Variants in WDR24 observed in about 807,000 individuals in gnomAD.
WDR24 encodes WD repeat domain 24.
In WDR24, 32 loss-of-function variants were observed where a neutral mutation model predicts 66.7. The ratio of observed to expected loss-of-function variants is 0.48; its 90% CI spans 0.36 to 0.64. The LOEUF is 0.64. WDR24 is among the 30% of genes least tolerant of loss of function. The pLI is 0.00. For missense variants in WDR24, 978 were observed against 1,144.1 expected (o/e 0.85, Z 2.09); for synonymous variants, 565 against 469.1 (o/e 1.20, Z -2.64).
In WDR24 at chr16:684,716, A is replaced by C. The variant is rs373672277; in HGVS notation, c.*18T>G. The C allele has an allele frequency of 7.6e-5, 120 of 1,572,600 alleles. No homozygotes were observed. The African/African-American group carries it at 1.5e-3, about 20-fold the overall frequency. On this transcript the variant is annotated 3_prime_UTR_variant, in exon 9 of 9. Transcript: ENST00000293883. Reference sequence around the variant, plus strand: ...GGTTCTGCACGCGGCCGCCCGGGCAAGCCCAGCAGATGCCCCGTCAGGAGT... The same window carrying C: ...GGTTCTGCACGCGGCCGCCCGGGCACGCCCAGCAGATGCCCCGTCAGGAGT...
At position 687,362 on chromosome 16, in the gene WDR24, G is replaced by A. The variant is rs1330040174; in HGVS notation, c.714C>T (p.Thr238=). The change falls in exon 3 of 9, where the codon ACC becomes ACT. Residue 238 remains threonine (T), a synonymous_variant. Transcript: ENST00000293883. ...AGTGCATCTCCTTGGCACGGTGCGT[G>A]GTCATGTCCCAGACCTTCACCATCT... ...RDKMVKVWDM[T]THRAKEMHCV... is the part of the protein sequence containing the mutation. 6.2e-7 allele frequency: 1 copy of A among 1,600,718 alleles called. No individual in the cohort carries two copies. The highest frequency in any genetic ancestry group is 8.5e-7 in the Non-Finnish European group (1 of 1,172,328).
chr16:688,482 T>C (rs966711247), intron 1 of WDR24, among the ~76,000 whole-genome samples: 3 of 152,204 alleles, frequency 2.0e-5, no homozygotes, highest in East Asian at 1.9e-4. Context: ...TTAGTGGATA[T>C]GGGGTTTCCC....
At chr16:688,025 G>A (rs771182644) in intron 1 of WDR24, 7 of 584,692 alleles carry the variant, frequency 1.2e-5, no homozygotes, top group South Asian at 4.6e-5. Context: ...CTGTGGTGCA[G>A]CCTCAGGATG....
rs770860732 is a variant in WDR24 at position 686,154 on chromosome 16, G to C, written c.1365C>G (p.Ile455Met). Residue 455 changes from isoleucine (I) to methionine (M), a missense_variant, in exon 4 of 9, where the codon ATC becomes ATG. Around this residue, in one of 2 missense-constraint regions of WDR24, gnomAD observed 676 missense variants for 617.5 expected, o/e 1.09. Transcript: ENST00000293883. ...TGGGCACTAGGCCAGGGCTGCAGTAGATGATCCGCAGCATGGTCCACGTTT... is the reference window on the plus strand; with the variant it reads ...TGGGCACTAGGCCAGGGCTGCAGTACATGATCCGCAGCATGGTCCACGTTT... ...VAQTWTMLRIIYCSPGLVPTA... is the reference protein window; with the variant it reads ...VAQTWTMLRIMYCSPGLVPTA... The C allele has an allele frequency of 1.9e-6, 3 of 1,612,870 alleles. No individual in the cohort carries two copies. The highest frequency in any genetic ancestry group is 2.5e-6 in the Non-Finnish European group (3 of 1,179,954).
Position 689,898 on chromosome 16 carries a change from C to A in WDR24, c.-258G>T. 1 of 690,014 alleles carries A rather than the reference C, an allele frequency of 1.4e-6. No homozygotes were observed. 42.7% of individuals were successfully genotyped at this position (690,014 alleles called of 1,614,324 possible). Reference sequence around the variant, plus strand: ...GCGGTGAGGGGACTTCCTAGCTTCCCTTAGGCCTGTCAGTTTCATGTCTGA... The same window carrying A: ...GCGGTGAGGGGACTTCCTAGCTTCCATTAGGCCTGTCAGTTTCATGTCTGA... On this transcript the variant is annotated 5_prime_UTR_variant, in exon 1 of 9. The change creates a new upstream start codon in the 5' untranslated region. Transcript: ENST00000293883.
At chr16:686,671 C>T (rs947694016) in intron 3 of WDR24, 73 bp downstream of exon 3, 142 of 1,497,718 alleles carry the variant, frequency 9.5e-5, no homozygotes, top group Middle Eastern at 6.3e-4. Context: ...GTGGGGTGAG[C>T]GCAGCTGACG....
At position 687,561 on chromosome 16, in the gene WDR24, C is replaced by A. The variant is rs770307856; in HGVS notation, c.659+1G>T. On this transcript the variant is annotated splice_donor_variant, in intron 2 of 8. Coordinates refer to ENST00000293883, the MANE Select transcript of WDR24 (RefSeq NM_032259.4). LOFTEE classifies it high-confidence loss of function. ...ACTGCCCCTGCACCCCCATGCCACA[C>A]CTGTCCTCGGGGTGCCAGTCGCAGC... 1 of 1,612,152 alleles carries A rather than the reference C, an allele frequency of 6.2e-7. No homozygotes were observed. Among genetic ancestry groups the A allele is most frequent in the African/African-American group, 1.3e-5 (1 of 75,060 alleles).
At chr16:687,439 A>G (rs375780549) in intron 2 of WDR24, 23 bp from the exon 3 acceptor site, 4 of 1,574,278 alleles carry the variant, frequency 2.5e-6, no homozygotes, top group Non-Finnish European at 3.4e-6. Context: ...GGTCCACCCA[A>G]ACCCTCAGTG....
chr16:688,295 T>G (rs929685352), intron 1 of WDR24, among the ~76,000 whole-genome samples: 1 of 152,096 alleles, frequency 6.6e-6, no homozygotes, highest in African/African-American at 2.4e-5. Flanking sequence ...CAGCTCAGGA[T>G]CTGTCTTTTT....
rs1596568982 is a variant in WDR24 at position 690,216 on chromosome 16, A to G, written c.-576T>C. 7 of 391,270 alleles carry G rather than the reference A, an allele frequency of 1.8e-5. No homozygotes were observed. Among genetic ancestry groups the G allele is most frequent in the South Asian group, 1.3e-4 (7 of 53,900 alleles). The allele number at this position is 391,270 out of a possible 1,614,324, so 24.2% of individuals were successfully genotyped here. ...TAAGGAGCTCGAGGTGTCTGGCGGG[A>G]CCGGAGGCAGGAGAGAAGCCGGCGA... On this transcript the variant is annotated 5_prime_UTR_variant, in exon 1 of 9. Transcript: ENST00000293883.
intron 5 of WDR24, 24 bp from the exon 6 acceptor site, chr16:685,807 T>C (rs1209520942): frequency 1.2e-6 from 2 of 1,613,106 alleles, no homozygotes; most frequent in East Asian, 4.5e-5. Context: ...GGGCGGGCAT[T>C]CAGGGTCGTC....
chr16:685,118 G>A lies in WDR24; in HGVS notation c.2078C>T (p.Ser693Phe), dbSNP rs2039873802. 1 of 1,558,740 alleles carries A rather than the reference G, an allele frequency of 6.4e-7. No individual in the cohort carries two copies. The change falls in exon 8 of 9, where the codon TCC (serine) becomes TTC (phenylalanine). Residue 693 changes from serine (S) to phenylalanine (F), a missense_variant. Around this residue, in one of 2 missense-constraint regions of WDR24, gnomAD observed 676 missense variants for 617.5 expected, o/e 1.09. Coordinates refer to ENST00000293883, the MANE Select transcript of WDR24 (RefSeq NM_032259.4). ...LLQRFRLWNVSNEVVKLSTSR... is the reference protein window; with the variant it reads ...LLQRFRLWNVFNEVVKLSTSR... ...GGTGCTCAGCTTGACCACCTCGTTG[G>A]ACACGTTCCAGAGGCGGAAGCGCTG...
Position 685,122 on chromosome 16 carries a change from C to T in WDR24, c.2074G>A (p.Val692Met). The T allele has an allele frequency of 6.4e-7, 1 of 1,559,780 alleles. No individual in the cohort carries two copies. The highest frequency in any genetic ancestry group is 1.2e-5 in the South Asian group (1 of 85,426). The change falls in exon 8 of 9, where the codon GTG becomes ATG. Residue 692 changes from valine to methionine, a missense_variant. Physicochemically the swap from Val to Met is conservative, Grantham distance 21. This residue lies in a region of WDR24 where 676 missense variants were observed against 617.5 expected (regional missense o/e 1.09). Coordinates refer to ENST00000293883, the MANE Select transcript of WDR24 (RefSeq NM_032259.4). Reference sequence around the variant, plus strand: ...CTCAGCTTGACCACCTCGTTGGACACGTTCCAGAGGCGGAAGCGCTGCAGC... The same window carrying T: ...CTCAGCTTGACCACCTCGTTGGACATGTTCCAGAGGCGGAAGCGCTGCAGC... ...DLLQRFRLWN[V>M]SNEVVKLSTS...
At chr16:687,475 C>A in intron 2 of WDR24, 59 bp from the exon 3 acceptor site, 1 of 1,575,944 alleles carries the variant, frequency 6.3e-7, no homozygotes. Flanking sequence ...AGGGGACCCC[C>A]CCGCTCTGCT....
At position 687,676 on chromosome 16, in the gene WDR24, G is replaced by C. The variant is rs1850322453; in HGVS notation, c.545C>G (p.Thr182Ser). ...SIRDYFTFAS[T>S]FENGNVQLWD... ...GAGCTGCACATTGCCGTTCTCAAAG[G>C]TGGAGGCGAAGGTGAAGTAGTCCCG... is the stretch of plus-strand genomic sequence containing the variant. Residue 182 changes from threonine (T) to serine (S), a missense_variant, in exon 2 of 9, where the codon ACC becomes AGC. Physicochemically the swap from Thr to Ser is moderately conservative, Grantham distance 58. Around this residue, in one of 2 missense-constraint regions of WDR24, gnomAD observed 302 missense variants for 526.6 expected, o/e 0.57. Transcript: ENST00000293883. The C allele has an allele frequency of 1.9e-6, 3 of 1,613,688 alleles. No homozygotes were observed. Among genetic ancestry groups the C allele is most frequent in the African/African-American group, 2.7e-5 (2 of 75,054 alleles).
chr16:685,028 T>C lies in WDR24; in HGVS notation c.2168A>G (p.Lys723Arg), dbSNP rs1413541664. The C allele has an allele frequency of 1.8e-5, 28 of 1,556,470 alleles. No individual in the cohort carries two copies. The highest frequency in any genetic ancestry group is 2.4e-5 in the Non-Finnish European group (28 of 1,152,440). The change falls in exon 8 of 9, where the codon AAG (lysine) becomes AGG (arginine). Residue 723 changes from lysine to arginine, a missense_variant. Physicochemically the swap from Lys to Arg is conservative, Grantham distance 26. Coordinates refer to ENST00000293883, the MANE Select transcript of WDR24 (RefSeq NM_032259.4). ...CCAGCCCCGGCTGCTCATGGGCCGC[T>C]TGCAGTGGCTGCAGTTGACGTGCAG... ...TTLHVNCSHCKRPMSSRGWVC... is the reference protein window; with the variant it reads ...TTLHVNCSHCRRPMSSRGWVC...
chr16:686,226 C>T, intron 3 of WDR24, 40 bp from the exon 4 acceptor site: 6 of 1,600,590 alleles, frequency 3.7e-6, no homozygotes, highest in Non-Finnish European at 5.1e-6. Flanking sequence ...GTCCTGGACA[C>T]CCAGCACCCC....
intron 1 of WDR24, chr16:688,118 G>GTGGGAGGCCCA: frequency 4.3e-6 from 2 of 465,422 alleles, no homozygotes; most frequent in Non-Finnish European, 8.6e-6. Context: ...AGGAGGTGCT[G>GTGGGAGGCCCA]AGGAGGGTGC....
intron 3 of WDR24, among the ~76,000 whole-genome samples, chr16:686,467 G>A (rs2039909061): frequency 1.3e-5 from 2 of 152,324 alleles, no homozygotes; most frequent in East Asian, 3.9e-4. Context: ...CGCTGCTGGT[G>A]CCTGGAGAGC....
Sources: gnomAD v4.1 joint callset for allele counts (sites outside exome capture counted in the v4.1 genomes callset) on GRCh38, gnomAD v4.1.1 for gene constraint, gnomAD v4.1.1 regional missense constraint, MANE v1.5 for transcripts, NCBI Gene and HGNC (gene_info 2026-07-23, HGNC 2026-07-21) for gene names.